CNN3: variants seen among roughly 807,000 people sequenced by gnomAD.
The protein encoded by CNN3 is calponin 3.
CNN3 carries 11 observed loss-of-function variants against 39.0 expected under a neutral mutation model. The ratio of observed to expected loss-of-function variants is 0.28; its 90% CI spans 0.18 to 0.47. CNN3 has a LOEUF of 0.47. Among genes scored for constraint, CNN3 ranks in the 20% least tolerant of loss-of-function variants. The probability of loss-of-function intolerance (pLI) is 0.99; values close to 1 mark genes in which losing one functional copy is unlikely to be tolerated. For synonymous variants in CNN3, 101 were observed against 138.3 expected, an observed-to-expected ratio of 0.73 and a Z score of 1.89; for missense variants, 266 against 403.4, an observed-to-expected ratio of 0.66 and a Z score of 2.92.
At chr1:94,918,496 AAAAAATAAAAT>A (rs1350615621) in intron 1 of CNN3, among the ~76,000 whole-genome samples, 2 of 63,560 alleles carry the variant, frequency 3.1e-5, no homozygotes, top group East Asian at 3.7e-4. Flanking sequence ...TGTCTCCCAA[AAAAAATAAAAT>A]AAAAAAAAAA....
At chr1:94,903,327 T>G in intron 2 of CNN3, 76 bp downstream of exon 2, 1 of 1,544,574 alleles carries the variant, frequency 6.5e-7, no homozygotes, top group East Asian at 2.3e-5. Flanking sequence ...CACCCTGGGC[T>G]GAGAAGGAGA....
intron 4 of CNN3, 136 bp downstream of exon 4, chr1:94,901,965 ATGCAGCTGATGTCAGCAGCC>A (rs1670880017): frequency 1.4e-6 from 1 of 738,690 alleles, no homozygotes; most frequent in East Asian, 2.5e-5. Flanking sequence ...ATCTAGTACG[ATGCAGCTGATGTCAGCAGCC>A]TTTCCACAAA....
intron 1 of CNN3, among the ~76,000 whole-genome samples, chr1:94,920,743 T>C (rs1343898597): frequency 6.6e-6 from 1 of 152,206 alleles, no homozygotes; most frequent in Non-Finnish European, 1.5e-5. Context: ...AAGAACCTTG[T>C]ATGACAGGTA....
In CNN3 at chr1:94,905,993, T is replaced by A. The variant is rs142090360; in HGVS notation, c.58-2469A>T. On this transcript the variant is annotated intron_variant, in intron 1 of 6. Coordinates refer to ENST00000370206, the MANE Select transcript of CNN3 (RefSeq NM_001839.5). ...TGGCAGACACATTTTTTAAAAATAT[T>A]TTTTTTTGAGATGGAGTCTTGCTCT... is the stretch of plus-strand genomic sequence containing the variant. 6.2e-3 allele frequency among the ~76,000 whole-genome samples: 940 copies of A among 152,162 alleles called. 9 individuals are homozygous for A. Among genetic ancestry groups the A allele is most frequent in the African/African-American group, 0.022 (912 of 41,524 alleles).
chr1:94,925,917 A>G, intron 1 of CNN3: 1 of 681,312 alleles, frequency 1.5e-6, no homozygotes, highest in Non-Finnish European at 1.8e-6. Flanking sequence ...GAATGCAGGG[A>G]GGGAGGAAGG....
chr1:94,905,343 T>C (rs1380026391), intron 1 of CNN3, among the ~76,000 whole-genome samples: 3 of 152,194 alleles, frequency 2.0e-5, no homozygotes, highest in Non-Finnish European at 4.4e-5. Context: ...GGTGGAAATG[T>C]CTACATTCCA....
In CNN3 at chr1:94,926,141, A is replaced by T. The variant is rs1036107922; in HGVS notation, c.57+697T>A. 2.0e-5 allele frequency among the ~76,000 whole-genome samples: 3 copies of T among 152,324 alleles called. No individual in the cohort carries two copies. The highest frequency in any genetic ancestry group is 2.0e-4 in the Admixed American group (3 of 15,306). ...GTCGTGAAAGTCTAATGTACTTCAA[A>T]CTTCTCAGTGTTTCATAAAAAGTCT... On this transcript the variant is annotated intron_variant, in intron 1 of 6. Transcript: ENST00000370206. The surrounding 1 kb of genome is among the most constrained non-coding windows in gnomAD (Gnocchi z 4.2).
At chr1:94,908,507 T>G (rs1230907818) in intron 1 of CNN3, among the ~76,000 whole-genome samples, 1 of 152,234 alleles carries the variant, frequency 6.6e-6, no homozygotes, top group East Asian at 1.9e-4. Context: ...TCACTTTCTT[T>G]TGTAATTCTA....
chr1:94,926,300 T>C lies in CNN3; in HGVS notation c.57+538A>G, dbSNP rs1671577519. On this transcript the variant is annotated intron_variant, in intron 1 of 6. Coordinates refer to ENST00000370206, the MANE Select transcript of CNN3 (RefSeq NM_001839.5). The surrounding 1 kb of genome is among the most constrained non-coding windows in gnomAD (Gnocchi z 4.2). ...CAGGCACCGAGATCGGAGACTGTGA[T>C]GGGTCCCGGACCGGCTTCCGTTCCT... Among the ~76,000 whole-genome samples the C allele has an allele frequency of 6.6e-6, 1 of 152,026 alleles. No individual in the cohort carries two copies. Among genetic ancestry groups the C allele is most frequent in the Non-Finnish European group, 1.5e-5 (1 of 67,998 alleles).
chr1:94,916,962 C>T (rs902706817), intron 1 of CNN3, among the ~76,000 whole-genome samples: 2 of 152,188 alleles, frequency 1.3e-5, no homozygotes, highest in African/African-American at 4.8e-5. Flanking sequence ...TTAAAAACCA[C>T]TTACTTGACA....
rs1427904060 is a variant in CNN3, at chr1:94,900,079, C to T, written c.502-562G>A. ...AGAAAGGTGGAATGAGGAATTTGAA[C>T]TCAGCAAAGTTCAGGGAAACAATAA... On this transcript the variant is annotated intron_variant, in intron 5 of 6. Transcript: ENST00000370206. Among the ~76,000 whole-genome samples the T allele has an allele frequency of 3.9e-5, 6 of 152,306 alleles. No homozygotes were observed. In the East Asian group the frequency reaches 1.2e-3, roughly 29 times the overall value.
Position 94,927,061 on chromosome 1 carries a change from G to C in CNN3, c.-167C>G, listed in dbSNP as rs911849119. The C allele has an allele frequency of 2.2e-5, 14 of 639,368 alleles. No individual in the cohort carries two copies. The highest frequency in any genetic ancestry group is 3.1e-5 in the Admixed American group (1 of 31,784). 39.6% of individuals were successfully genotyped at this position (639,368 alleles called of 1,614,324 possible). A position where few individuals can be genotyped will look rare whatever the true frequency, so the allele number is the denominator to read the frequency against. Reference sequence around the variant, plus strand: ...GCGCGGGCGGTGCCTGGGCGACTGGGTCCAACTGGGTGCTACAGAGCCTCG... The same window carrying C: ...GCGCGGGCGGTGCCTGGGCGACTGGCTCCAACTGGGTGCTACAGAGCCTCG... On this transcript the variant is annotated 5_prime_UTR_variant, in exon 1 of 7. Transcript: ENST00000370206.
chr1:94,903,027 A>G (rs2101719872), intron 3 of CNN3, 95 bp downstream of exon 3: 1 of 940,794 alleles, frequency 1.1e-6, no homozygotes, highest in Non-Finnish European at 1.5e-6. Flanking sequence ...TTAAAAAAAA[A>G]AAAAACACAA....
At chr1:94,901,622 T>A (rs1011398038) in intron 5 of CNN3, 47 bp downstream of exon 5, 5 of 1,307,278 alleles carry the variant, frequency 3.8e-6, no homozygotes, top group Non-Finnish European at 5.5e-6. Context: ...TGGTGAGAAT[T>A]AATCATATTG....
intron 1 of CNN3, among the ~76,000 whole-genome samples, chr1:94,908,564 G>A (rs375225432): frequency 2.6e-5 from 4 of 151,650 alleles, no homozygotes; most frequent in African/African-American, 4.8e-5. Context: ...TTTTTGAGAC[G>A]GAGTCTCGCT....
chr1:94,903,101 G>A lies in CNN3; in HGVS notation c.246+21C>T, dbSNP rs762652614. Reference sequence around the variant, plus strand: ...TAAAATGCAACCAACTAGAACCAGAGGTGGTTGGTTTGGCTGTTACCTGAG... The same window carrying A: ...TAAAATGCAACCAACTAGAACCAGAAGTGGTTGGTTTGGCTGTTACCTGAG... On this transcript the variant is annotated intron_variant, in intron 3 of 6. Coordinates refer to ENST00000370206, the MANE Select transcript of CNN3 (RefSeq NM_001839.5). 21 of 1,525,930 alleles carry A rather than the reference G, an allele frequency of 1.4e-5. No individual in the cohort carries two copies. In the East Asian group the frequency reaches 5.1e-4, roughly 37 times the overall value. 94.5% of individuals were successfully genotyped at this position (1,525,930 alleles called of 1,614,324 possible).
intron 1 of CNN3, among the ~76,000 whole-genome samples, chr1:94,914,477 C>T (rs758988042): frequency 2.6e-5 from 4 of 152,148 alleles, no homozygotes; most frequent in African/African-American, 4.8e-5. Flanking sequence ...ACTGACCACC[C>T]GCATCCCCAT....
intron 1 of CNN3, chr1:94,924,251 T>A (rs1671521988): frequency 6.6e-6 from 1 of 152,240 alleles, no homozygotes; most frequent in Non-Finnish European, 1.5e-5. Flanking sequence ...GCTATTTGAT[T>A]CCCAGGCCCA....
rs536885710 is a variant in CNN3, at chr1:94,907,717, G to A, written c.58-4193C>T. ...CTGCTAAAAATACAAAAAATTAGAC[G>A]GGTGTGGTGGCGGGCGCCTGTAGTC... is the stretch of plus-strand genomic sequence containing the variant. On this transcript the variant is annotated intron_variant, in intron 1 of 6. Coordinates refer to ENST00000370206, the MANE Select transcript of CNN3 (RefSeq NM_001839.5). Among the ~76,000 whole-genome samples the A allele has an allele frequency of 9.9e-5, 15 of 152,262 alleles. No homozygotes were observed. The South Asian group carries it at 1.2e-3, about 13-fold the overall frequency.
Sources: gnomAD v4.1 joint callset for allele counts (sites outside exome capture counted in the v4.1 genomes callset) on GRCh38, gnomAD v4.1.1 for gene constraint, Gnocchi (gnomAD v3.1) non-coding constraint, MANE v1.5 for transcripts, NCBI Gene and HGNC (gene_info 2026-07-23, HGNC 2026-07-21) for gene names.